PDZRN4: variants seen among roughly 807,000 people sequenced by gnomAD.
PDZRN4 encodes PDZ domain-containing RING finger protein 4.
PDZRN4 carries 70 observed loss-of-function variants against 99.0 expected under a neutral mutation model. That is an observed-to-expected ratio of 0.71 (90% CI 0.58 to 0.86). The LOEUF (loss-of-function observed/expected upper bound fraction) is 0.86. Ranked by LOEUF, PDZRN4 falls within the 40% of genes least tolerant of loss-of-function variation. PDZRN4 has a pLI of 0.00. For synonymous variants in PDZRN4, 551 were observed against 501.6 expected, an observed-to-expected ratio of 1.10 and a Z score of -1.32; for missense variants, 1,474 against 1,331.2, an observed-to-expected ratio of 1.11 and a Z score of -1.67.
intron 3 of PDZRN4, among the ~76,000 whole-genome samples, chr12:41,249,564 T>C (rs1591984661): frequency 6.6e-6 from 1 of 152,104 alleles, no homozygotes; most frequent in Admixed American, 6.6e-5. Flanking sequence ...CAGAAGTTAG[T>C]AGTAGGGTGA....
rs115022335 is a variant in PDZRN4, at chr12:41,361,643, A to G, written c.844-144813A>G. 3.1e-3 allele frequency among the ~76,000 whole-genome samples: 472 copies of G among 152,198 alleles called. 5 individuals are homozygous for G. Among genetic ancestry groups the G allele is most frequent in the African/African-American group, 0.011 (449 of 41,558 alleles). ...CATAAATGACATCCCATCACAAAAA[A>G]AGAAGCAAGGAATACACAACTGAAG... On this transcript the variant is annotated intron_variant, in intron 3 of 9. Transcript: ENST00000402685.
At chr12:41,376,661 C>G (rs1472793093) in intron 3 of PDZRN4, among the ~76,000 whole-genome samples, 1 of 152,066 alleles carries the variant, frequency 6.6e-6, no homozygotes, top group Non-Finnish European at 1.5e-5. Context: ...TGAAAATATT[C>G]TCTACCATTC....
intron 3 of PDZRN4, among the ~76,000 whole-genome samples, chr12:41,223,926 T>A (rs1227344732): frequency 6.6e-6 from 1 of 152,200 alleles, no homozygotes; most frequent in Non-Finnish European, 1.5e-5. Context: ...AGAATCTTAG[T>A]GGAGAAAAGT....
chr12:41,535,108 T>C (rs141140768), intron 5 of PDZRN4, among the ~76,000 whole-genome samples: 1 of 152,380 alleles, frequency 6.6e-6, no homozygotes, highest in East Asian at 1.9e-4. Context: ...TAGTTATTTT[T>C]ATACTAACTC....
chr12:41,540,990 T>C (rs965769592), intron 5 of PDZRN4, among the ~76,000 whole-genome samples: 1 of 152,052 alleles, frequency 6.6e-6, no homozygotes, highest in Non-Finnish European at 1.5e-5. Flanking sequence ...AGTGGTGTGA[T>C]CTTGGCTCAC....
At chr12:41,539,747 T>G (rs1320490826) in intron 5 of PDZRN4, among the ~76,000 whole-genome samples, 1 of 152,202 alleles carries the variant, frequency 6.6e-6, no homozygotes, top group Non-Finnish European at 1.5e-5. Context: ...GCTGGAAAAG[T>G]TCCTGAATGC....
At chr12:41,209,139 T>C (rs1434149912) in intron 3 of PDZRN4, among the ~76,000 whole-genome samples, 1 of 151,954 alleles carries the variant, frequency 6.6e-6, no homozygotes, top group African/African-American at 2.4e-5. Flanking sequence ...GCTGCTTGGA[T>C]ACTACAGGAG....
At chr12:41,228,063 G>A (rs1210979043) in intron 3 of PDZRN4, among the ~76,000 whole-genome samples, 1 of 152,066 alleles carries the variant, frequency 6.6e-6, no homozygotes, top group Non-Finnish European at 1.5e-5. Flanking sequence ...AGTGTTACCA[G>A]AAATGACAAA....
intron 3 of PDZRN4, among the ~76,000 whole-genome samples, chr12:41,376,532 G>GA (rs1212867115): frequency 6.6e-6 from 1 of 151,942 alleles, no homozygotes; most frequent in Non-Finnish European, 1.5e-5. Flanking sequence ...GTCTTCTTTG[G>GA]AAAAATATCA....
chr12:41,293,561 A>T (rs1417196509), intron 3 of PDZRN4, among the ~76,000 whole-genome samples: 1 of 152,008 alleles, frequency 6.6e-6, no homozygotes, highest in Non-Finnish European at 1.5e-5. Flanking sequence ...AGAATCTTTA[A>T]CTGTTCTCCT....
At chr12:41,254,025 ATG>A (rs1261091599) in intron 3 of PDZRN4, among the ~76,000 whole-genome samples, 4 of 63,906 alleles carry the variant, frequency 6.3e-5, no homozygotes, top group East Asian at 4.1e-4. Flanking sequence ...ATATATATAT[ATG>A]TGTGTGCGTG....
intron 3 of PDZRN4, chr12:41,459,807 A>G (rs1358071057): frequency 2.2e-6 from 1 of 448,328 alleles, no homozygotes; most frequent in Non-Finnish European, 3.5e-6. Flanking sequence ...TTTTGAAGAC[A>G]GCATAGCCCT....
chr12:41,445,378 C>G (rs533698709), intron 3 of PDZRN4, among the ~76,000 whole-genome samples: 217 of 152,044 alleles, frequency 1.4e-3, no homozygotes, highest in African/African-American at 5.0e-3. Flanking sequence ...ATGTTAGTAA[C>G]AAATGAACTG....
intron 3 of PDZRN4, among the ~76,000 whole-genome samples, chr12:41,237,390 G>T (rs1041352432): frequency 6.6e-6 from 1 of 152,016 alleles, no homozygotes; most frequent in Non-Finnish European, 1.5e-5. Context: ...GATCATATTG[G>T]CCATGTTATT....
intron 5 of PDZRN4, among the ~76,000 whole-genome samples, chr12:41,520,428 A>G (rs1261295333): frequency 1.3e-5 from 2 of 152,106 alleles, no homozygotes; most frequent in African/African-American, 4.8e-5. Context: ...TCTTAAAGAC[A>G]CTTGCAGGCT....
chr12:41,408,841 C>A (rs1235799617), intron 3 of PDZRN4, among the ~76,000 whole-genome samples: 2 of 151,936 alleles, frequency 1.3e-5, no homozygotes, highest in African/African-American at 2.4e-5. Flanking sequence ...CTCTCGCACT[C>A]TCTTGCTCTC....
intron 5 of PDZRN4, among the ~76,000 whole-genome samples, chr12:41,528,486 G>T (rs1032844991): frequency 1.3e-5 from 2 of 152,162 alleles, no homozygotes; most frequent in East Asian, 3.9e-4. Context: ...ATTCTTAATA[G>T]AGCAACAGCA....
chr12:41,209,712 T>G (rs1052054663), intron 3 of PDZRN4, among the ~76,000 whole-genome samples: 11 of 150,138 alleles, frequency 7.3e-5, no homozygotes, highest in East Asian at 2.0e-4. Flanking sequence ...TTCCATGGTG[T>G]ATATGTGCCA....
At chr12:41,439,971 G>A (rs1353061978) in intron 3 of PDZRN4, among the ~76,000 whole-genome samples, 4 of 152,080 alleles carry the variant, frequency 2.6e-5, no homozygotes, top group African/African-American at 7.2e-5. Flanking sequence ...CATATAATAC[G>A]CTGGAGCCCC....
Sources: allele counts gnomAD v4.1 joint callset (sites outside exome capture counted in the v4.1 genomes callset), GRCh38; gene constraint gnomAD v4.1.1; transcripts MANE v1.5; gene names NCBI Gene and HGNC (gene_info 2026-07-23, HGNC 2026-07-21).